Variants in TRIM44 observed in about 807,000 individuals in gnomAD.
TRIM44 encodes tripartite motif-containing protein 44.
Under a neutral mutation model 37.4 loss-of-function variants are expected in TRIM44, and 13 were observed. The ratio of observed to expected loss-of-function variants is 0.35; its 90% CI spans 0.23 to 0.55. The LOEUF (loss-of-function observed/expected upper bound fraction) is 0.55, where lower values mean the gene tolerates loss of function less well. Among genes scored for constraint, TRIM44 ranks in the 20% least tolerant of loss-of-function variants. TRIM44 has a pLI of 0.89. For synonymous variants in TRIM44, 175 were observed against 157.2 expected (o/e 1.11, Z -0.85); for missense variants, 426 against 437.2 (o/e 0.97, Z 0.23).
At chr11:35,793,388 G>T (rs1343519207) in intron 4 of TRIM44, among the ~76,000 whole-genome samples, 1 of 152,026 alleles carries the variant, frequency 6.6e-6, no homozygotes, top group East Asian at 1.9e-4. Context: ...AGCCTGGCAT[G>T]GTGGTGTGTG....
intron 2 of TRIM44, among the ~76,000 whole-genome samples, chr11:35,722,608 A>G (rs1852122564): frequency 6.6e-6 from 1 of 152,204 alleles, no homozygotes; most frequent in Admixed American, 6.5e-5. Flanking sequence ...GTAAACTGTC[A>G]TGGTGCTGGT....
chr11:35,767,524 G>A (rs1385847240), intron 4 of TRIM44, among the ~76,000 whole-genome samples: 3 of 151,898 alleles, frequency 2.0e-5, no homozygotes, highest in South Asian at 2.1e-4. Context: ...TTCTGTGGTT[G>A]TATTATGTCT....
intron 4 of TRIM44, among the ~76,000 whole-genome samples, chr11:35,754,253 C>T (rs749604461): frequency 3.3e-5 from 5 of 152,122 alleles, no homozygotes; most frequent in South Asian, 2.1e-4. Context: ...AAATTATTGG[C>T]GAAATCCTCA....
chr11:35,725,848 G>A, intron 2 of TRIM44, 76 bp from the exon 3 acceptor site: 3 of 1,550,098 alleles, frequency 1.9e-6, no homozygotes, highest in South Asian at 2.5e-5. Context: ...TTTGGCCAGG[G>A]CTGTATAGTA....
intron 1 of TRIM44, among the ~76,000 whole-genome samples, chr11:35,675,197 G>A (rs994367864): frequency 6.6e-5 from 10 of 152,200 alleles, no homozygotes; most frequent in Admixed American, 3.9e-4. Flanking sequence ...GATAGGAAGT[G>A]TAATAATCTT....
intron 1 of TRIM44, among the ~76,000 whole-genome samples, chr11:35,672,982 G>A (rs1308965408): frequency 6.6e-6 from 1 of 152,134 alleles, no homozygotes; most frequent in Non-Finnish European, 1.5e-5. Flanking sequence ...GCATAGTTCT[G>A]TAGAAAGTTT....
At chr11:35,754,270 T>G (rs988704576) in intron 4 of TRIM44, among the ~76,000 whole-genome samples, 2 of 152,012 alleles carry the variant, frequency 1.3e-5, no homozygotes, top group Admixed American at 1.3e-4. Context: ...CTCACATGAG[T>G]AAACAGGGAA....
intron 4 of TRIM44, among the ~76,000 whole-genome samples, chr11:35,784,407 T>C (rs1390175041): frequency 2.6e-5 from 4 of 152,264 alleles, no homozygotes; most frequent in Non-Finnish European, 5.9e-5. Context: ...GTGGTGGTTT[T>C]ACAGAATATA....
At chr11:35,734,450 G>A (rs1323887100) in intron 3 of TRIM44, among the ~76,000 whole-genome samples, 3 of 152,182 alleles carry the variant, frequency 2.0e-5, no homozygotes, top group Non-Finnish European at 2.9e-5. Flanking sequence ...CTTGAACCCA[G>A]AACATCGGAC....
intron 4 of TRIM44, among the ~76,000 whole-genome samples, chr11:35,749,377 T>TAGAATA (rs964889150): frequency 4.6e-5 from 7 of 152,024 alleles, no homozygotes; most frequent in African/African-American, 1.7e-4. Context: ...ATACAAAAGA[T>TAGAATA]AGAATAAGAA....
chr11:35,720,408 GT>G (rs1355001047), intron 2 of TRIM44, among the ~76,000 whole-genome samples: 2 of 144,642 alleles, frequency 1.4e-5, no homozygotes, highest in African/African-American at 2.6e-5. Flanking sequence ...GTTCCAGGAG[GT>G]TTTTTTCTTT....
intron 2 of TRIM44, among the ~76,000 whole-genome samples, chr11:35,699,447 G>A (rs975295738): frequency 1.6e-4 from 24 of 152,116 alleles, no homozygotes; most frequent in Non-Finnish European, 2.8e-4. Flanking sequence ...TTGATGGGAC[G>A]TATCTCAAAA....
chr11:35,729,396 T>C (rs1334372576), intron 3 of TRIM44, among the ~76,000 whole-genome samples: 1 of 152,136 alleles, frequency 6.6e-6, no homozygotes, highest in Non-Finnish European at 1.5e-5. Flanking sequence ...GTGGAACCCA[T>C]CTCCTATGCA....
intron 4 of TRIM44, among the ~76,000 whole-genome samples, chr11:35,785,500 T>C (rs1353948509): frequency 6.6e-6 from 1 of 152,204 alleles, no homozygotes; most frequent in Non-Finnish European, 1.5e-5. Context: ...CAGAGCAGCT[T>C]TGAGTCAGAA....
chr11:35,740,521 C>T (rs532453851), intron 4 of TRIM44, among the ~76,000 whole-genome samples: 2 of 152,196 alleles, frequency 1.3e-5, no homozygotes, highest in African/African-American at 4.8e-5. Context: ...TAGAATTTTT[C>T]ATCTTCAAAG....
chr11:35,797,244 T>C lies in TRIM44; in HGVS notation c.1008-9114T>C, dbSNP rs373796288. ...AAGCTGAGCAGTTTGAGCAACAAAATAGTAATATTGGATTATAACCCAAAG... is the reference window on the plus strand; with the variant it reads ...AAGCTGAGCAGTTTGAGCAACAAAACAGTAATATTGGATTATAACCCAAAG... On this transcript the variant is annotated intron_variant, in intron 4 of 4. Transcript: ENST00000299413. 2.0e-5 allele frequency among the ~76,000 whole-genome samples: 3 copies of C among 152,120 alleles called. No homozygotes were observed. In the East Asian group the frequency reaches 5.8e-4, roughly 29 times the overall value.
At chr11:35,712,153 C>A (rs1213804193) in intron 2 of TRIM44, among the ~76,000 whole-genome samples, 1 of 152,082 alleles carries the variant, frequency 6.6e-6, no homozygotes, top group Non-Finnish European at 1.5e-5. Flanking sequence ...AGGTCTGTTG[C>A]CTGTTCAAGT....
chr11:35,761,388 G>GCTCT (rs58015445), intron 4 of TRIM44, among the ~76,000 whole-genome samples: 2,818 of 112,832 alleles, frequency 0.025, 27 homozygotes, highest in Admixed American at 0.032. Context: ...TGTATTGTTT[G>GCTCT]CTCTCTCTCT....
chr11:35,784,940 AAGAC>A (rs1331942187), intron 4 of TRIM44, among the ~76,000 whole-genome samples: 3 of 152,206 alleles, frequency 2.0e-5, no homozygotes, highest in Non-Finnish European at 4.4e-5. Context: ...CAATACCTGA[AAGAC>A]AGATTTGAAA....
Sources: gnomAD v4.1 joint callset for allele counts (sites outside exome capture counted in the v4.1 genomes callset) on GRCh38, gnomAD v4.1.1 for gene constraint, MANE v1.5 for transcripts, NCBI Gene and HGNC (gene_info 2026-07-23, HGNC 2026-07-21) for gene names.